The following ST18 variants were observed in gnomAD, a reference collection of about 807,000 sequenced individuals.
ST18 encodes the protein ST18 C2H2C-type zinc finger transcription factor.
ST18 carries 50 observed loss-of-function variants against 110.0 expected under a neutral mutation model. The ratio of observed to expected loss-of-function variants is 0.45; its 90% CI spans 0.36 to 0.58. The LOEUF is 0.58. Among genes scored for constraint, ST18 ranks in the 20% least tolerant of loss-of-function variants. The pLI is 0.00. For missense variants in ST18, 1,306 were observed against 1,280.1 expected (o/e 1.02, Z -0.31); for synonymous variants, 461 against 452.4 (o/e 1.02, Z -0.24).
rs937240706 is a variant in ST18, at chr8:52,257,477, C to T, written c.-464-27400G>A. Among the ~76,000 whole-genome samples the T allele has an allele frequency of 3.9e-5, 6 of 152,092 alleles. No homozygotes were observed. In the East Asian group the frequency reaches 5.8e-4, roughly 15 times the overall value. On this transcript the variant is annotated intron_variant, in intron 2 of 25. Transcript: ENST00000689386. ...TCTATCTTTTCTATTATGGTTGTTT[C>T]GGTGGGTGTGAGGTGGCATTGCACT...
intron 8 of ST18, among the ~76,000 whole-genome samples, chr8:52,198,360 C>G (rs1317627007): frequency 6.6e-6 from 1 of 152,184 alleles, no homozygotes; most frequent in African/African-American, 2.4e-5. Context: ...GACATTTACC[C>G]AAACACAGAT....
chr8:52,284,688 T>G (rs2095439535), intron 2 of ST18, among the ~76,000 whole-genome samples: 1 of 152,124 alleles, frequency 6.6e-6, no homozygotes, highest in Non-Finnish European at 1.5e-5. Flanking sequence ...GCATTACTGA[T>G]GATGGACCAT....
chr8:52,222,602 G>T (rs1225223389), intron 3 of ST18, among the ~76,000 whole-genome samples: 3 of 152,216 alleles, frequency 2.0e-5, no homozygotes, highest in African/African-American at 7.2e-5. Context: ...CATACAAATG[G>T]GAACGAGGAG....
chr8:52,311,937 T>C (rs963683926), intron 2 of ST18, among the ~76,000 whole-genome samples: 2 of 152,200 alleles, frequency 1.3e-5, no homozygotes, highest in Admixed American at 1.3e-4. Flanking sequence ...TGGACAATGT[T>C]GGCATTGAGT....
At position 52,180,668 on chromosome 8, in the gene ST18, CA is replaced by C. The variant is rs71915660; in HGVS notation, c.87-357del. ...AATGTGAAAAATATACCACCAGATACAAAAAAAAAATGTGCCCAGTATGGAT... is the reference window on the plus strand; with the variant it reads ...AATGTGAAAAATATACCACCAGATACAAAAAAAAATGTGCCCAGTATGGAT... On this transcript the variant is annotated intron_variant, in intron 8 of 25. Transcript: ENST00000689386. Among the ~76,000 whole-genome samples the C allele has an allele frequency of 5.7e-3, 839 of 147,722 alleles. 1 individual carries two copies. Among genetic ancestry groups the C allele is most frequent in the Middle Eastern group, 0.021 (6 of 282 alleles).
At chr8:52,274,488 A>G (rs1015712442) in intron 2 of ST18, among the ~76,000 whole-genome samples, 3 of 141,628 alleles carry the variant, frequency 2.1e-5, no homozygotes, top group Non-Finnish European at 4.4e-5. Flanking sequence ...TGTAACAGAA[A>G]TAGGAAAAAG....
chr8:52,187,974 T>C (rs966901129), intron 8 of ST18, among the ~76,000 whole-genome samples: 3 of 152,212 alleles, frequency 2.0e-5, no homozygotes, highest in Non-Finnish European at 4.4e-5. Context: ...AATCAATGTA[T>C]ATGGACAGTA....
At chr8:52,178,121 CAACA>C (rs2067640542) in intron 9 of ST18, among the ~76,000 whole-genome samples, 1 of 152,084 alleles carries the variant, frequency 6.6e-6, no homozygotes, top group Admixed American at 6.5e-5. Flanking sequence ...GTACAGTGGT[CAACA>C]AACTACAATA....
At chr8:52,291,357 G>C (rs2095553326) in intron 2 of ST18, among the ~76,000 whole-genome samples, 1 of 152,232 alleles carries the variant, frequency 6.6e-6, no homozygotes, top group South Asian at 2.1e-4. Flanking sequence ...TCAGTGTGTG[G>C]AGATGCTGAC....
chr8:52,170,489 A>AATAC (rs1186767995), intron 10 of ST18, among the ~76,000 whole-genome samples: 3 of 151,002 alleles, frequency 2.0e-5, no homozygotes, highest in Non-Finnish European at 4.4e-5. Flanking sequence ...TAAATAAATA[A>AATAC]ATAAATAAAA....
intron 2 of ST18, among the ~76,000 whole-genome samples, chr8:52,368,653 G>A (rs1039022612): frequency 8.5e-5 from 13 of 152,300 alleles, no homozygotes; most frequent in South Asian, 4.2e-4. Flanking sequence ...GTTTCCGCAT[G>A]TGGCGGCCAC....
intron 2 of ST18, among the ~76,000 whole-genome samples, chr8:52,319,026 G>A (rs1439888751): frequency 6.6e-6 from 1 of 151,966 alleles, no homozygotes; most frequent in Non-Finnish European, 1.5e-5. Flanking sequence ...AAACCACCAT[G>A]GCACATGTTT....
chr8:52,409,792 C>T (rs1223761085), upstream of ST18: 1 of 152,272 alleles, frequency 6.6e-6, no homozygotes, highest in Non-Finnish European at 1.5e-5. Context: ...TAACTTTGCT[C>T]TGTGTTATTT....
intron 2 of ST18, among the ~76,000 whole-genome samples, chr8:52,239,190 G>A (rs1005081796): frequency 1.3e-5 from 2 of 152,214 alleles, no homozygotes; most frequent in Non-Finnish European, 2.9e-5. Context: ...TTAGGAGGAA[G>A]ATGGTGCATC....
chr8:52,368,696 A>G (rs566884078), intron 2 of ST18, among the ~76,000 whole-genome samples: 1 of 152,368 alleles, frequency 6.6e-6, no homozygotes, highest in South Asian at 2.1e-4. Flanking sequence ...TAACCAAAGA[A>G]AAGAACCTGG....
intron 2 of ST18, among the ~76,000 whole-genome samples, chr8:52,241,668 T>A (rs2137628772): frequency 6.6e-6 from 1 of 152,392 alleles, no homozygotes; most frequent in East Asian, 1.9e-4. Flanking sequence ...CTTAGTCAAC[T>A]GATTGCACAG....
chr8:52,409,259 T>G (rs552258065), intron 2 of ST18, 69 bp downstream of exon 2: 1 of 152,374 alleles, frequency 6.6e-6, no homozygotes, highest in South Asian at 2.1e-4. Flanking sequence ...TGGTATGTTT[T>G]CTCTCAAAGT....
chr8:52,136,610 A>G lies in ST18; in HGVS notation c.2280T>C (p.Ala760=). 1 of 1,611,516 alleles carries G rather than the reference A, an allele frequency of 6.2e-7. No homozygotes were observed. Among genetic ancestry groups the G allele is most frequent in the Non-Finnish European group, 8.5e-7 (1 of 1,179,112 alleles). ...CTTACTTAAGCTCCTGAGAGTTGGC[A>G]GCCATGAGGGATTTTAGAGTCTTAT... ...LADKTLKSLM[A]ANSQELKCPT... The change falls in exon 19 of 26, where the codon GCT becomes GCC. Residue 760 remains alanine, a synonymous_variant. Transcript: ENST00000689386.
chr8:52,362,559 AAC>A (rs2140462478), intron 2 of ST18, among the ~76,000 whole-genome samples: 1 of 152,314 alleles, frequency 6.6e-6, no homozygotes, highest in East Asian at 1.9e-4. Flanking sequence ...TGAGCTAATT[AAC>A]ACTTAGGGCA....
Sources: allele counts gnomAD v4.1 joint callset (sites outside exome capture counted in the v4.1 genomes callset), GRCh38; gene constraint gnomAD v4.1.1; transcripts MANE v1.5; gene names NCBI Gene and HGNC (gene_info 2026-07-23, HGNC 2026-07-21).